Variants in CHRM3 observed in about 807,000 individuals in gnomAD.
CHRM3 encodes the protein muscarinic acetylcholine receptor M3.
In CHRM3, 11 loss-of-function variants were observed where a neutral mutation model predicts 41.8. The ratio of observed to expected loss-of-function variants is 0.26; its 90% CI spans 0.17 to 0.44. The LOEUF is 0.44. Ranked by LOEUF, CHRM3 falls within the 20% of genes least tolerant of loss-of-function variation. The pLI, the probability that CHRM3 is intolerant of heterozygous loss-of-function variation, is 1.00. For synonymous variants in CHRM3, 297 were observed against 301.4 expected, an observed-to-expected ratio of 0.99 and a Z score of 0.15; for missense variants, 571 against 745.4, an observed-to-expected ratio of 0.77 and a Z score of 2.72.
chr1:239,733,502 T>C (rs547354570), intron 5 of CHRM3, among the ~76,000 whole-genome samples: 2 of 152,204 alleles, frequency 1.3e-5, no homozygotes, highest in African/African-American at 4.8e-5. Context: ...TTCATTACTA[T>C]ACTTATTTAG....
chr1:239,843,184 T>C (rs998959505), intron 6 of CHRM3, among the ~76,000 whole-genome samples: 1 of 152,190 alleles, frequency 6.6e-6, no homozygotes, highest in Non-Finnish European at 1.5e-5. Flanking sequence ...GCTTTGCTTG[T>C]ATTAATCCTC....
At chr1:239,876,379 C>A (rs372335174) in intron 6 of CHRM3, among the ~76,000 whole-genome samples, 3 of 152,060 alleles carry the variant, frequency 2.0e-5, no homozygotes, top group Admixed American at 6.5e-5. Context: ...AGCAAAAGGG[C>A]GGATTGGTGA....
chr1:239,611,439 T>TTA (rs1667024067), intron 3 of CHRM3, among the ~76,000 whole-genome samples: 1 of 144,974 alleles, frequency 6.9e-6, no homozygotes, highest in African/African-American at 2.6e-5. Flanking sequence ...TTTTTTTTTT[T>TTA]GAGACGGAGT....
At chr1:239,841,484 C>T (rs1397140160) in intron 6 of CHRM3, among the ~76,000 whole-genome samples, 1 of 152,132 alleles carries the variant, frequency 6.6e-6, no homozygotes, top group Non-Finnish European at 1.5e-5. Flanking sequence ...GAGTAAAACT[C>T]TATTACCTGT....
chr1:239,826,453 G>A (rs535316078), intron 5 of CHRM3, among the ~76,000 whole-genome samples: 2 of 152,294 alleles, frequency 1.3e-5, no homozygotes, highest in East Asian at 3.9e-4. Flanking sequence ...TTCAGCATCA[G>A]TGCATCTCTG....
intron 5 of CHRM3, chr1:239,714,237 G>C (rs6684622): frequency 0.5 from 75,336 of 151,976 alleles, 19,130 homozygotes; most frequent in African/African-American, 0.58. Context: ...CAAGAATGGA[G>C]AGCCTTGGCC....
chr1:239,689,120 A>G (rs1659462503), intron 5 of CHRM3, among the ~76,000 whole-genome samples: 1 of 151,858 alleles, frequency 6.6e-6, no homozygotes, highest in Non-Finnish European at 1.5e-5. Flanking sequence ...TTTCTAATAC[A>G]ATACTACTAC....
At chr1:239,779,665 G>A (rs1668367231) in intron 5 of CHRM3, among the ~76,000 whole-genome samples, 1 of 152,216 alleles carries the variant, frequency 6.6e-6, no homozygotes, top group Non-Finnish European at 1.5e-5. Flanking sequence ...AACCTGGGAG[G>A]TGAAGGTTGC....
intron 5 of CHRM3, among the ~76,000 whole-genome samples, chr1:239,786,054 T>C (rs1402211031): frequency 6.6e-6 from 1 of 152,190 alleles, no homozygotes; most frequent in East Asian, 1.9e-4. Context: ...AGTTATTTGT[T>C]TGAGTATAGT....
chr1:239,754,818 T>C lies in CHRM3; in HGVS notation c.-146-72434T>C, dbSNP rs1177084768. ...CAAGGAAGAAAAAATTTCAAATTCA[T>C]GAGTTACGGTCTAGTCCTCTAGAGG... On this transcript the variant is annotated intron_variant, in intron 5 of 6. Coordinates refer to ENST00000676153, the MANE Select transcript of CHRM3 (RefSeq NM_001375978.1). 5.3e-5 allele frequency among the ~76,000 whole-genome samples: 8 copies of C among 152,254 alleles called. No individual in the cohort carries two copies. In the East Asian group the frequency reaches 1.5e-3, roughly 29 times the overall value.
At chr1:239,593,942 C>T (rs1050568902) in intron 3 of CHRM3, among the ~76,000 whole-genome samples, 4 of 152,108 alleles carry the variant, frequency 2.6e-5, no homozygotes, top group African/African-American at 9.7e-5. Context: ...TGCTCTTAGG[C>T]ATTTTCCATA....
intron 3 of CHRM3, among the ~76,000 whole-genome samples, chr1:239,617,316 A>T (rs1667741458): frequency 6.6e-6 from 1 of 152,186 alleles, no homozygotes; most frequent in Non-Finnish European, 1.5e-5. Flanking sequence ...AAATGTTGTA[A>T]CCGTCTAGGT....
chr1:239,859,419 G>GTTTTTTT (rs36006673), intron 6 of CHRM3, among the ~76,000 whole-genome samples: 1 of 97,492 alleles, frequency 1.0e-5, no homozygotes. Context: ...TGTTGTTGTT[G>GTTTTTTT]TTTTTTTTTT....
chr1:239,600,951 C>A (rs554605416), intron 3 of CHRM3, among the ~76,000 whole-genome samples: 7 of 152,214 alleles, frequency 4.6e-5, no homozygotes, highest in African/African-American at 1.4e-4. Context: ...TATAGTGCAA[C>A]AAAGTCCATT....
chr1:239,834,336 G>A (rs147588738), intron 6 of CHRM3, among the ~76,000 whole-genome samples: 2,220 of 128,686 alleles, frequency 0.017, 69 homozygotes, highest in African/African-American at 0.063. Flanking sequence ...TTTTTGAGAC[G>A]GAGTCTCACC....
chr1:239,409,852 G>A (rs781230315), intron 1 of CHRM3, among the ~76,000 whole-genome samples: 1 of 152,190 alleles, frequency 6.6e-6, no homozygotes, highest in Non-Finnish European at 1.5e-5. Flanking sequence ...TGAGGCAGAA[G>A]AATCACTTGA....
At chr1:239,640,234 G>A (rs1231521723) in intron 4 of CHRM3, among the ~76,000 whole-genome samples, 4 of 152,038 alleles carry the variant, frequency 2.6e-5, no homozygotes, top group African/African-American at 4.8e-5. Flanking sequence ...CTCTTTTTTG[G>A]TAGTGTCTCT....
chr1:239,785,946 G>C (rs2148827782), intron 5 of CHRM3, among the ~76,000 whole-genome samples: 1 of 152,242 alleles, frequency 6.6e-6, no homozygotes, highest in East Asian at 1.9e-4. Flanking sequence ...CTCTGTGTGT[G>C]TATATGTGTA....
intron 2 of CHRM3, among the ~76,000 whole-genome samples, chr1:239,499,727 G>A (rs528496167): frequency 6.6e-6 from 1 of 152,204 alleles, no homozygotes; most frequent in East Asian, 1.9e-4. Context: ...TGAAACAGAA[G>A]CACCAGGTAA....
Sources: gnomAD v4.1 joint callset for allele counts (sites outside exome capture counted in the v4.1 genomes callset) on GRCh38, gnomAD v4.1.1 for gene constraint, MANE v1.5 for transcripts, NCBI Gene and HGNC (gene_info 2026-07-23, HGNC 2026-07-21) for gene names.